TTC7B: variants seen among roughly 807,000 people sequenced by gnomAD.
The protein encoded by TTC7B is tetratricopeptide repeat protein 7B.
In TTC7B, 28 loss-of-function variants were observed where a neutral mutation model predicts 106.8. The ratio of observed to expected loss-of-function variants is 0.26; its 90% CI spans 0.19 to 0.36. The LOEUF (loss-of-function observed/expected upper bound fraction) is 0.36, where lower values mean the gene tolerates loss of function less well. Ranked by LOEUF, TTC7B falls within the 10% of genes least tolerant of loss-of-function variation. TTC7B has a pLI of 1.00. For missense variants in TTC7B, 862 were observed against 1,076.4 expected (o/e 0.80, Z 2.79); for synonymous variants, 405 against 430.6 (o/e 0.94, Z 0.74).
intron 3 of TTC7B, among the ~76,000 whole-genome samples, chr14:90,774,891 C>T (rs545970903): frequency 6.0e-4 from 91 of 152,158 alleles, no homozygotes; most frequent in African/African-American, 2.1e-3. Flanking sequence ...AATATAAAAA[C>T]AATTAGCCAG....
At chr14:90,720,832 G>A (rs564261096) in intron 5 of TTC7B, among the ~76,000 whole-genome samples, 2 of 152,270 alleles carry the variant, frequency 1.3e-5, no homozygotes, top group Admixed American at 1.3e-4. Context: ...TAATTTACTT[G>A]TTTTTTCTTC....
At chr14:90,749,315 C>T (rs1016264641) in intron 3 of TTC7B, among the ~76,000 whole-genome samples, 7 of 152,006 alleles carry the variant, frequency 4.6e-5, no homozygotes, top group African/African-American at 1.7e-4. Flanking sequence ...CTCCTCCTTC[C>T]TTAGGGGACT....
At chr14:90,688,971 G>A (rs1456787944) in intron 7 of TTC7B, among the ~76,000 whole-genome samples, 3 of 152,058 alleles carry the variant, frequency 2.0e-5, no homozygotes, top group Admixed American at 6.5e-5. Context: ...GAAGGCTCAT[G>A]CTAAGTCTAT....
chr14:90,808,183 C>G lies in TTC7B; in HGVS notation c.121+7992G>C, dbSNP rs779242906. On this transcript the variant is annotated intron_variant, in intron 1 of 19. Transcript: ENST00000328459. This position sits in a 1 kb window ranked among gnomAD's most constrained non-coding sequence, Gnocchi z 4.2. ...GCAAGAGGCTGGGCACAGTGGCTCA[C>G]GCCTGTAATCCCAGCACTTTGGGAG... Among the ~76,000 whole-genome samples the G allele has an allele frequency of 1.3e-5, 2 of 152,188 alleles. No individual in the cohort carries two copies. The highest frequency in any genetic ancestry group is 2.9e-5 in the Non-Finnish European group (2 of 68,036).
intron 19 of TTC7B, among the ~76,000 whole-genome samples, chr14:90,555,369 G>C (rs188000319): frequency 6.6e-6 from 1 of 152,206 alleles, no homozygotes; most frequent in Admixed American, 6.5e-5. Flanking sequence ...GCCAGACCAC[G>C]GGCTCTTGGG....
rs182227007 is a variant in TTC7B at position 90,640,161 on chromosome 14, C to T, written c.1751+3887G>A. Reference sequence around the variant, plus strand: ...GGGTATGGTGGCACACGCCTGTGCTCCCAGCTACTCGGGAGGCTGAAGGAT... The same window carrying T: ...GGGTATGGTGGCACACGCCTGTGCTTCCAGCTACTCGGGAGGCTGAAGGAT... On this transcript the variant is annotated intron_variant, in intron 15 of 19. Transcript: ENST00000328459. Among the ~76,000 whole-genome samples the T allele has an allele frequency of 4.2e-3, 644 of 152,184 alleles. 3 individuals carry two copies. The highest frequency in any genetic ancestry group is 7.3e-3 in the Non-Finnish European group (497 of 68,014).
chr14:90,803,167 G>A (rs545632609), intron 1 of TTC7B, among the ~76,000 whole-genome samples: 1 of 151,254 alleles, frequency 6.6e-6, no homozygotes, highest in South Asian at 2.1e-4. Context: ...TGAATGAGTT[G>A]ACCCCATGTA....
intron 8 of TTC7B, chr14:90,677,701 C>A (rs1886894924): frequency 1.9e-5 from 7 of 365,778 alleles, no homozygotes; most frequent in South Asian, 1.5e-4. Flanking sequence ...TGACGTTGAT[C>A]TTCCCCCTGA....
At position 90,533,071 on chromosome 14, in the gene TTC7B, C is replaced by G. The variant is rs1313327256; in HGVS notation, c.*8297G>C. On this transcript the variant is annotated 3_prime_UTR_variant, in exon 20 of 20. Coordinates refer to ENST00000328459, the MANE Select transcript of TTC7B (RefSeq NM_001010854.2). ...TGAGGAAACCGAGGCTCAGAGAGGACTAGTGACTCACCTAAGGCTCCTAGG... is the reference window on the plus strand; with the variant it reads ...TGAGGAAACCGAGGCTCAGAGAGGAGTAGTGACTCACCTAAGGCTCCTAGG... 6.5e-6 allele frequency: 1 copy of G among 153,008 alleles called. No homozygotes were observed. Among genetic ancestry groups the G allele is most frequent in the African/African-American group, 2.4e-5 (1 of 41,456 alleles). 9.5% of individuals were successfully genotyped at this position (153,008 alleles called of 1,614,324 possible). A position where few individuals can be genotyped will look rare whatever the true frequency, so the allele number is the denominator to read the frequency against.
intron 16 of TTC7B, among the ~76,000 whole-genome samples, chr14:90,613,427 C>A (rs991717547): frequency 3.3e-5 from 5 of 152,106 alleles, no homozygotes; most frequent in Admixed American, 6.5e-5. Context: ...GTATTTGTGA[C>A]CGATTGAGAA....
intron 2 of TTC7B, among the ~76,000 whole-genome samples, chr14:90,781,736 T>C (rs1331647482): frequency 6.6e-6 from 1 of 152,096 alleles, no homozygotes; most frequent in African/African-American, 2.4e-5. Flanking sequence ...CACTGAGCCA[T>C]TGAAGTTTCT....
chr14:90,729,944 G>GAAAA, intron 5 of TTC7B, 131 bp downstream of exon 5: 6 of 845,298 alleles, frequency 7.1e-6, no homozygotes, highest in Non-Finnish European at 8.5e-6. Flanking sequence ...TTCTTTAAAA[G>GAAAA]AAAAAAAAAG....
Position 90,663,443 on chromosome 14 carries a change from C to A in TTC7B, c.1153-5056G>T, listed in dbSNP as rs1443042507. On this transcript the variant is annotated intron_variant, in intron 9 of 19. Transcript: ENST00000328459. This position sits in a 1 kb window ranked among gnomAD's most constrained non-coding sequence, Gnocchi z 4.5. ...TTCTTGAACTGTTTCAGAGACTCAG[C>A]GATATGGTTTTTTTTTTGCTGCTAA... is the stretch of plus-strand genomic sequence containing the variant. 1.5e-5 allele frequency among the ~76,000 whole-genome samples: 2 copies of A among 136,826 alleles called. No homozygotes were observed. The highest frequency in any genetic ancestry group is 5.9e-5 in the African/African-American group (2 of 34,074). 89.8% of individuals were successfully genotyped at this position (136,826 alleles called of 152,430 possible). A position where few individuals can be genotyped will look rare whatever the true frequency, so the allele number is the denominator to read the frequency against.
At chr14:90,558,808 G>C (rs906287098) in intron 19 of TTC7B, among the ~76,000 whole-genome samples, 1 of 152,218 alleles carries the variant, frequency 6.6e-6, no homozygotes, top group African/African-American at 2.4e-5. Context: ...GCCAGAAATG[G>C]GGACCTTCAC....
intron 11 of TTC7B, among the ~76,000 whole-genome samples, chr14:90,656,458 T>G (rs1395829872): frequency 6.6e-6 from 1 of 152,186 alleles, no homozygotes; most frequent in Non-Finnish European, 1.5e-5. Flanking sequence ...CAAATCAGGG[T>G]ATTGCCAAAT....
Position 90,567,640 on chromosome 14 carries a change from G to A in TTC7B, c.2310+10466C>T, listed in dbSNP as rs1345382832. 3.3e-5 allele frequency: 5 copies of A among 152,476 alleles called. No individual in the cohort carries two copies. The East Asian group carries it at 9.6e-4, about 29-fold the overall frequency. 9.4% of individuals were successfully genotyped at this position (152,476 alleles called of 1,614,324 possible). A position where few individuals can be genotyped will look rare whatever the true frequency, so the allele number is the denominator to read the frequency against. On this transcript the variant is annotated intron_variant, in intron 19 of 19. Coordinates refer to ENST00000328459, the MANE Select transcript of TTC7B (RefSeq NM_001010854.2). ...TGCTAGTCTCCCATTTTACAGATAG[G>A]AAGAGTGGACATGAAACCTTCAAAA...
At chr14:90,574,129 T>A (rs1470648009) in intron 19 of TTC7B, among the ~76,000 whole-genome samples, 1 of 152,188 alleles carries the variant, frequency 6.6e-6, no homozygotes, top group Non-Finnish European at 1.5e-5. Context: ...CATGCTTCTC[T>A]CCTCTCCCCA....
At chr14:90,756,372 C>CTTTTTTTTTTGTTTTT (rs1890294084) in intron 3 of TTC7B, among the ~76,000 whole-genome samples, 1 of 139,758 alleles carries the variant, frequency 7.2e-6, no homozygotes, top group Non-Finnish European at 1.6e-5. Context: ...TTATTTTCTT[C>CTTTTTTTTTTGTTTTT]TTTTTTTTTT....
At chr14:90,781,910 C>G (rs1185323705) in intron 2 of TTC7B, among the ~76,000 whole-genome samples, 1 of 152,212 alleles carries the variant, frequency 6.6e-6, no homozygotes, top group African/African-American at 2.4e-5. Context: ...AGGGAAAGAA[C>G]AGGCCACCCT....
Sources: allele counts gnomAD v4.1 joint callset (sites outside exome capture counted in the v4.1 genomes callset), GRCh38; gene constraint gnomAD v4.1.1; non-coding constraint Gnocchi (gnomAD v3.1); transcripts MANE v1.5; gene names NCBI Gene and HGNC (gene_info 2026-07-23, HGNC 2026-07-21).